The following SHISA9 variants were observed in gnomAD, a reference collection of about 807,000 sequenced individuals.
SHISA9 encodes the protein shisa family member 9.
In SHISA9, 13 loss-of-function variants were observed where a neutral mutation model predicts 38.0. The observed-to-expected ratio is 0.34, with a 90% CI of 0.22 to 0.54. The LOEUF (loss-of-function observed/expected upper bound fraction) is 0.54, where lower values mean the gene tolerates loss of function less well. Ranked by LOEUF, SHISA9 falls within the 20% of genes least tolerant of loss-of-function variation. The probability of loss-of-function intolerance (pLI) is 0.91; values close to 1 mark genes in which losing one functional copy is unlikely to be tolerated. For synonymous variants in SHISA9, 275 were observed against 242.0 expected, an observed-to-expected ratio of 1.14 and a Z score of -1.27; for missense variants, 538 against 575.8, an observed-to-expected ratio of 0.93 and a Z score of 0.67.
At chr16:13,484,700 T>C in the SHISA9 span, among the ~76,000 whole-genome samples, 1 of 152,208 alleles carries the variant, frequency 6.6e-6, no homozygotes, top group African/African-American at 2.4e-5. Context: ...TGGGGAGGCC[T>C]CAGAAAACTT....
chr16:13,226,222 C>A (rs1022859107), intron 4 of SHISA9, among the ~76,000 whole-genome samples: 1 of 152,198 alleles, frequency 6.6e-6, no homozygotes, highest in Non-Finnish European at 1.5e-5. Context: ...AACAGGTTTT[C>A]ATGAAAACTG....
chr16:13,235,231 C>T lies in SHISA9; in HGVS notation c.1097C>T (p.Thr366Ile), dbSNP rs2051370688. Residue 366 changes from threonine (T) to isoleucine (I), a missense_variant, in exon 5 of 5, where the codon ACC becomes ATC. By Grantham distance (89) the Thr-to-Ile change is moderately conservative (BLOSUM62 -1). Coordinates refer to ENST00000558583, the MANE Select transcript of SHISA9 (RefSeq NM_001145204.3). ...CATCCCCTGGCCTACACCTCTACCA[C>T]CAACTTTAAGGGCTGGGACCCCAAC... ...PPHPLAYTST[T>I]NFKGWDPNEQ... The T allele has an allele frequency of 2.6e-6, 4 of 1,551,772 alleles. No individual in the cohort carries two copies. In the Admixed American group the frequency reaches 5.9e-5, roughly 23 times the overall value.
the SHISA9 span, among the ~76,000 whole-genome samples, chr16:13,553,831 C>T: frequency 6.6e-6 from 1 of 152,194 alleles, no homozygotes; most frequent in Non-Finnish European, 1.5e-5. Context: ...AGCATATTTT[C>T]CACTATTACA....
chr16:13,116,311 T>C (rs2141972490), intron 2 of SHISA9, among the ~76,000 whole-genome samples: 1 of 152,322 alleles, frequency 6.6e-6, no homozygotes, highest in African/African-American at 2.4e-5. Context: ...CCCCAGGTTC[T>C]CATTCATGGA....
the SHISA9 span, among the ~76,000 whole-genome samples, chr16:13,453,694 G>C: frequency 7.9e-5 from 12 of 152,180 alleles, no homozygotes; most frequent in Non-Finnish European, 1.8e-4. Flanking sequence ...CATAATAAAT[G>C]GTTGTTGTTT....
chr16:12,988,461 T>C lies in SHISA9; in HGVS notation c.691+71646T>C, dbSNP rs1353297276. On this transcript the variant is annotated intron_variant, in intron 2 of 4. Transcript: ENST00000558583. ...AGACAGGGTCTCTCCCCAGAGAAAA[T>C]GGACAAGTTCCTTCTGGCTTGGTGT... Among the ~76,000 whole-genome samples, 3 of 152,178 alleles carry C rather than the reference T, an allele frequency of 2.0e-5. No homozygotes were observed. In the East Asian group the frequency reaches 5.8e-4, roughly 29 times the overall value.
chr16:13,294,996 GTAT>G, the SHISA9 span, among the ~76,000 whole-genome samples: 2 of 151,830 alleles, frequency 1.3e-5, no homozygotes, highest in African/African-American at 2.4e-5. Context: ...TTTGTGGTAG[GTAT>G]TATTATTATT....
chr16:13,195,918 T>A (rs983885947), intron 2 of SHISA9, among the ~76,000 whole-genome samples: 1 of 150,926 alleles, frequency 6.6e-6, no homozygotes, highest in Non-Finnish European at 1.5e-5. Flanking sequence ...TGAAACCCTG[T>A]CTCTACTAAA....
chr16:13,387,696 G>A, the SHISA9 span, among the ~76,000 whole-genome samples: 1 of 152,018 alleles, frequency 6.6e-6, no homozygotes, highest in African/African-American at 2.4e-5. Context: ...CACCATGTTG[G>A]CCAGGATGGT....
chr16:13,263,479 C>A, the SHISA9 span, among the ~76,000 whole-genome samples: 1 of 152,182 alleles, frequency 6.6e-6, no homozygotes, highest in Non-Finnish European at 1.5e-5. Flanking sequence ...CCAAATTCCT[C>A]TTGCATTGGC....
chr16:13,413,661 A>G, the SHISA9 span, among the ~76,000 whole-genome samples: 1 of 150,712 alleles, frequency 6.6e-6, no homozygotes, highest in Non-Finnish European at 1.5e-5. Flanking sequence ...GGAGGCTGAC[A>G]CAGGAAAATT....
At chr16:12,989,755 A>G (rs567165402) in intron 2 of SHISA9, among the ~76,000 whole-genome samples, 87 of 152,156 alleles carry the variant, frequency 5.7e-4, no homozygotes, top group South Asian at 1.2e-3. Flanking sequence ...ATATGAACAC[A>G]CCATGAATTG....
intron 2 of SHISA9, among the ~76,000 whole-genome samples, chr16:12,985,177 C>G (rs952429262): frequency 1.3e-5 from 2 of 149,012 alleles, no homozygotes; most frequent in Admixed American, 1.3e-4. Context: ...TCTATCAAAG[C>G]ATTATGTTGT....
At chr16:13,488,020 C>T in the SHISA9 span, among the ~76,000 whole-genome samples, 40,164 of 152,134 alleles carry the variant, frequency 0.26, 5,722 homozygotes, top group South Asian at 0.43. Flanking sequence ...AATACTTGAA[C>T]TTGACTATAT....
At chr16:13,075,965 C>G (rs910800576) in intron 2 of SHISA9, among the ~76,000 whole-genome samples, 1 of 151,962 alleles carries the variant, frequency 6.6e-6, no homozygotes, top group African/African-American at 2.4e-5. Context: ...TTGTGACAAC[C>G]AAAAGTGTCT....
chr16:13,479,660 G>C, the SHISA9 span, among the ~76,000 whole-genome samples: 1 of 152,176 alleles, frequency 6.6e-6, no homozygotes, highest in Admixed American at 6.5e-5. Context: ...GTTTGCAGCA[G>C]TTATATTCCC....
intron 2 of SHISA9, among the ~76,000 whole-genome samples, chr16:13,000,924 G>C (rs1479527063): frequency 6.6e-6 from 1 of 152,088 alleles, no homozygotes; most frequent in Non-Finnish European, 1.5e-5. Flanking sequence ...ATCTTGGGTT[G>C]CTTCTTTCTT....
Position 12,929,966 on chromosome 16 carries a change from C to T in SHISA9, c.691+13151C>T, listed in dbSNP as rs2141740920. On this transcript the variant is annotated intron_variant, in intron 2 of 4. Coordinates refer to ENST00000558583, the MANE Select transcript of SHISA9 (RefSeq NM_001145204.3). The stretch of plus-strand genomic sequence containing the variant: ...GTAAACTGTTATCTTTTTGGGGGGC[C>T]TTACCTACAGAAAATATCCCAGCCC... Among the ~76,000 whole-genome samples the T allele has an allele frequency of 2.0e-5, 3 of 152,230 alleles. 1 individual carries two copies. In the Middle Eastern group the frequency reaches 0.01, roughly 518 times the overall value.
chr16:13,105,882 G>C (rs2073921432), intron 2 of SHISA9, among the ~76,000 whole-genome samples: 1 of 152,156 alleles, frequency 6.6e-6, no homozygotes, highest in Non-Finnish European at 1.5e-5. Flanking sequence ...CCTTTCAGAT[G>C]ATTTATTGGC....
Sources: gnomAD v4.1 joint callset for allele counts (sites outside exome capture counted in the v4.1 genomes callset) on GRCh38, gnomAD v4.1.1 for gene constraint, MANE v1.5 for transcripts, NCBI Gene and HGNC (gene_info 2026-07-23, HGNC 2026-07-21) for gene names.